Variants in EHD4 observed in about 807,000 individuals in gnomAD.
EHD4 encodes EH domain containing 4, also known as EH domain-containing protein 4.
EHD4 carries 37 observed loss-of-function variants against 51.0 expected under a neutral mutation model. That is an observed-to-expected ratio of 0.73 (90% CI 0.56 to 0.95). EHD4 has a LOEUF of 0.95. Among genes scored for constraint, EHD4 ranks in the 40% least tolerant of loss-of-function variants. EHD4 has a pLI of 0.00. For missense variants in EHD4, 632 were observed against 733.1 expected, an observed-to-expected ratio of 0.86 and a Z score of 1.59; for synonymous variants, 297 against 317.3, an observed-to-expected ratio of 0.94 and a Z score of 0.68.
At chr15:41,928,556 C>CT (rs1388702925) in intron 3 of EHD4, 1 of 152,116 alleles carries the variant, frequency 6.6e-6, no homozygotes, top group Non-Finnish European at 1.5e-5. Flanking sequence ...CCTAAGTGTT[C>CT]TACAATGAAT....
intron 1 of EHD4, among the ~76,000 whole-genome samples, chr15:41,954,301 G>T (rs563286170): frequency 1.3e-5 from 2 of 152,302 alleles, no homozygotes; most frequent in African/African-American, 4.8e-5. Context: ...GCCCTGCAAG[G>T]TGTCTGAGCT....
chr15:41,918,914 G>A (rs534522984), intron 4 of EHD4, among the ~76,000 whole-genome samples: 1 of 152,330 alleles, frequency 6.6e-6, no homozygotes, highest in East Asian at 1.9e-4. Context: ...TGTGCACCAG[G>A]CACTATGCCA....
chr15:41,934,450 G>C (rs551350322), intron 3 of EHD4, among the ~76,000 whole-genome samples: 1 of 151,996 alleles, frequency 6.6e-6, no homozygotes, highest in Middle Eastern at 3.4e-3. Flanking sequence ...AAGGAGATAG[G>C]ACTACGAGAA....
chr15:41,944,937 G>T (rs952653305), intron 2 of EHD4, among the ~76,000 whole-genome samples: 12 of 152,138 alleles, frequency 7.9e-5, no homozygotes, highest in Admixed American at 5.9e-4. Flanking sequence ...ACCCAACACG[G>T]GGAGAGGTTT....
intron 1 of EHD4, among the ~76,000 whole-genome samples, chr15:41,957,069 G>A (rs1595545062): frequency 6.6e-6 from 1 of 152,200 alleles, no homozygotes; most frequent in Non-Finnish European, 1.5e-5. Context: ...GGTGGCTCGT[G>A]CCTGTAATTC....
intron 3 of EHD4, among the ~76,000 whole-genome samples, chr15:41,931,369 T>G (rs1275012555): frequency 6.6e-6 from 1 of 151,928 alleles, no homozygotes; most frequent in Admixed American, 6.6e-5. Flanking sequence ...AAACATTAGC[T>G]GGGCATGGTG....
intron 2 of EHD4, 73 bp from the exon 3 acceptor site, chr15:41,943,237 C>G: frequency 2.5e-6 from 3 of 1,183,516 alleles, no homozygotes; most frequent in Non-Finnish European, 3.6e-6. Flanking sequence ...GGCTTCTTGG[C>G]CTCTCTGGGC....
rs2067444332 is a variant in EHD4 at position 41,897,183 on chromosome 15, CAG to C, written c.*3460_*3461del. On this transcript the variant is annotated 3_prime_UTR_variant, in exon 6 of 6. Transcript: ENST00000220325. ...AGGCCCGCATTTACCTGAGTAAACT[CAG>C]TGGTTTTCTGTCCTAAGCATGCTTG... 2.6e-5 allele frequency: 4 copies of C among 152,242 alleles called. No homozygotes were observed. Among genetic ancestry groups the C allele is most frequent in the African/African-American group, 7.2e-5 (3 of 41,468 alleles). The allele number at this position is 152,242 out of a possible 1,614,324, so 9.4% of individuals were successfully genotyped here.
intron 1 of EHD4, among the ~76,000 whole-genome samples, chr15:41,968,224 C>T (rs934702889): frequency 3.3e-5 from 5 of 152,212 alleles, no homozygotes; most frequent in Non-Finnish European, 7.3e-5. Flanking sequence ...CACCCTTGCA[C>T]ATGCACCCCT....
At chr15:41,926,795 A>C (rs1252307873) in intron 3 of EHD4, among the ~76,000 whole-genome samples, 1 of 152,180 alleles carries the variant, frequency 6.6e-6, no homozygotes, top group Non-Finnish European at 1.5e-5. Flanking sequence ...GCTGTTCCGC[A>C]GCAGCATCCT....
chr15:41,941,175 C>T (rs1429797319), intron 3 of EHD4, among the ~76,000 whole-genome samples: 3 of 152,172 alleles, frequency 2.0e-5, no homozygotes, highest in African/African-American at 7.2e-5. Context: ...CGACCATCCA[C>T]AGCACTATTT....
At chr15:41,916,811 A>G (rs1432566460) in intron 4 of EHD4, among the ~76,000 whole-genome samples, 1 of 152,216 alleles carries the variant, frequency 6.6e-6, no homozygotes, top group African/African-American at 2.4e-5. Context: ...GCAAATACCC[A>G]TACTTCAAAC....
Position 41,898,324 on chromosome 15 carries a change from A to C in EHD4, c.*2321T>G, listed in dbSNP as rs958944509. 2 of 152,234 alleles carry C rather than the reference A, an allele frequency of 1.3e-5. No individual in the cohort carries two copies. The highest frequency in any genetic ancestry group is 2.9e-5 in the Non-Finnish European group (2 of 68,048). The allele number at this position is 152,234 out of a possible 1,614,324, so 9.4% of individuals were successfully genotyped here. On this transcript the variant is annotated 3_prime_UTR_variant, in exon 6 of 6. Transcript: ENST00000220325. ...CCCTCTAAAGCAGCTTTCTGTATCCAGACAAAACTTACATATGTACACGTT... is the reference window on the plus strand; with the variant it reads ...CCCTCTAAAGCAGCTTTCTGTATCCCGACAAAACTTACATATGTACACGTT...
rs961570719 is a variant in EHD4 at position 41,897,760 on chromosome 15, T to A, written c.*2885A>T. The stretch of plus-strand genomic sequence containing the variant: ...CCCTTTAAACTCAAGACCGGAAGGT[T>A]TGTGTTATGCGATACCATATGCTGT... On this transcript the variant is annotated 3_prime_UTR_variant, in exon 6 of 6. Coordinates refer to ENST00000220325, the MANE Select transcript of EHD4 (RefSeq NM_139265.4). 6.6e-6 allele frequency: 1 copy of A among 152,218 alleles called. No individual in the cohort carries two copies. The highest frequency in any genetic ancestry group is 1.5e-5 in the Non-Finnish European group (1 of 68,048). The allele number at this position is 152,218 out of a possible 1,614,324, so 9.4% of individuals were successfully genotyped here. A position where few individuals can be genotyped will look rare whatever the true frequency, so the allele number is the denominator to read the frequency against.
chr15:41,962,206 G>A (rs1388478668), intron 1 of EHD4, among the ~76,000 whole-genome samples: 5 of 152,200 alleles, frequency 3.3e-5, no homozygotes, highest in African/African-American at 9.7e-5. Context: ...GCAGTTCCAG[G>A]ACAAATGGAT....
chr15:41,959,642 CTGATT>C (rs2067912168), intron 1 of EHD4, among the ~76,000 whole-genome samples: 1 of 151,996 alleles, frequency 6.6e-6, no homozygotes, highest in African/African-American at 2.4e-5. Context: ...TACTTCTACT[CTGATT>C]TGATTTGAGC....
chr15:41,929,233 T>C (rs931547332), intron 3 of EHD4, among the ~76,000 whole-genome samples: 4 of 152,264 alleles, frequency 2.6e-5, no homozygotes, highest in Non-Finnish European at 4.4e-5. Flanking sequence ...TCCAAGACTC[T>C]GTAAATTAAT....
chr15:41,911,390 G>A (rs866801992), intron 4 of EHD4, among the ~76,000 whole-genome samples: 1 of 151,664 alleles, frequency 6.6e-6, no homozygotes, highest in Non-Finnish European at 1.5e-5. Flanking sequence ...TTTGGGATCC[G>A]TTATTTAGAA....
At chr15:41,947,207 T>C (rs1614170) in intron 2 of EHD4, among the ~76,000 whole-genome samples, 96,303 of 152,060 alleles carry the variant, frequency 0.63, 31,054 homozygotes, top group Non-Finnish European at 0.71. Context: ...TGGCATATCA[T>C]GTGCAGGGCA....
Sources: gnomAD v4.1 joint callset for allele counts (sites outside exome capture counted in the v4.1 genomes callset) on GRCh38, gnomAD v4.1.1 for gene constraint, MANE v1.5 for transcripts, NCBI Gene and HGNC (gene_info 2026-07-23, HGNC 2026-07-21) for gene names.